The following ESR1 variants were observed in gnomAD, a reference collection of about 807,000 sequenced individuals.
ESR1 encodes the protein estrogen receptor.
In ESR1, 12 loss-of-function variants were observed where a neutral mutation model predicts 52.7. The ratio of observed to expected loss-of-function variants is 0.23; its 90% CI spans 0.15 to 0.37. The LOEUF (loss-of-function observed/expected upper bound fraction) is 0.37. Among genes scored for constraint, ESR1 ranks in the 10% least tolerant of loss-of-function variants. The pLI is 1.00. For missense variants in ESR1, 584 were observed against 779.7 expected (o/e 0.75, Z 2.99); for synonymous variants, 305 against 316.8 (o/e 0.96, Z 0.39).
At chr6:152,081,852 C>T (rs9479215) in intron 6 of ESR1, among the ~76,000 whole-genome samples, 32,116 of 152,002 alleles carry the variant, frequency 0.21, 4,784 homozygotes, top group African/African-American at 0.41. Context: ...AACTCCTCTA[C>T]GCAAATAAAC....
At chr6:152,024,855 A>C (rs2043999104) in intron 5 of ESR1, among the ~76,000 whole-genome samples, 1 of 150,582 alleles carries the variant, frequency 6.6e-6, no homozygotes, top group South Asian at 2.1e-4. Flanking sequence ...ATGTTTATAC[A>C]CATATAAATA....
At chr6:151,726,424 C>T (rs942248426) in intron 2 of ESR1, among the ~76,000 whole-genome samples, 14 of 152,038 alleles carry the variant, frequency 9.2e-5, no homozygotes, top group Non-Finnish European at 7.4e-5. Context: ...CTCCGCCTGC[C>T]GGGTTCACAC....
chr6:151,817,191 A>T (rs1779799629), intron 1 of ESR1, among the ~76,000 whole-genome samples: 2 of 152,208 alleles, frequency 1.3e-5, no homozygotes, highest in African/African-American at 4.8e-5. Flanking sequence ...CACCCAGATG[A>T]TTAAAAAACT....
chr6:151,793,493 G>A (rs1450100201), intron 2 of ESR1, among the ~76,000 whole-genome samples: 1 of 152,130 alleles, frequency 6.6e-6, no homozygotes, highest in Non-Finnish European at 1.5e-5. Context: ...TAGTCATATA[G>A]TCATTTATTA....
rs150485832 is a variant in ESR1 at position 151,907,483 on chromosome 6, T to C, written c.760+26712T>C. 2.4e-3 allele frequency among the ~76,000 whole-genome samples: 360 copies of C among 152,248 alleles called. 2 individuals carry two copies. Among genetic ancestry groups the C allele is most frequent in the Non-Finnish European group, 4.2e-3 (285 of 67,978 alleles). ...AAGACATATCTTTTTAAAAATTATA[T>C]TATTAAATTGTTTCAGGTATGTCTT... On this transcript the variant is annotated intron_variant, in intron 3 of 7. Transcript: ENST00000206249.
intron 2 of ESR1, among the ~76,000 whole-genome samples, chr6:151,752,333 G>A (rs775206776): frequency 6.6e-6 from 1 of 152,198 alleles, no homozygotes; most frequent in Non-Finnish European, 1.5e-5. Context: ...ACTCTGAAAT[G>A]TATTCTTAAT....
intron 2 of ESR1, among the ~76,000 whole-genome samples, chr6:151,784,346 AC>A (rs1373745334): frequency 6.6e-6 from 1 of 152,246 alleles, no homozygotes; most frequent in African/African-American, 2.4e-5. Flanking sequence ...GGGCTAAAAA[AC>A]AATACTACTT....
intron 3 of ESR1, among the ~76,000 whole-genome samples, chr6:151,893,739 T>G (rs775645668): frequency 4.6e-5 from 7 of 152,166 alleles, no homozygotes; most frequent in Middle Eastern, 3.2e-3. Flanking sequence ...TTAGTGCTCA[T>G]TTGACCATGT....
chr6:151,695,616 C>G (rs548454189), intron 1 of ESR1, among the ~76,000 whole-genome samples: 1 of 152,312 alleles, frequency 6.6e-6, no homozygotes, highest in African/African-American at 2.4e-5. Flanking sequence ...TGAGATCCTT[C>G]TTTCCTCTGC....
intron 1 of ESR1, among the ~76,000 whole-genome samples, chr6:151,825,459 G>C (rs1231048609): frequency 6.6e-6 from 1 of 152,178 alleles, no homozygotes; most frequent in Non-Finnish European, 1.5e-5. Context: ...ATTTTCTGGG[G>C]GAAAATTCTC....
chr6:152,064,672 C>T (rs772488407), intron 6 of ESR1, among the ~76,000 whole-genome samples: 36 of 152,140 alleles, frequency 2.4e-4, no homozygotes, highest in African/African-American at 8.2e-4. Flanking sequence ...TTTTCTCTCA[C>T]TCTTTATGCA....
At chr6:152,005,675 A>G (rs2042274571) in intron 4 of ESR1, among the ~76,000 whole-genome samples, 1 of 152,056 alleles carries the variant, frequency 6.6e-6, no homozygotes, top group African/African-American at 2.4e-5. Context: ...GTGGTAGGCC[A>G]GTCCATCTGC....
intron 2 of ESR1, among the ~76,000 whole-genome samples, chr6:151,769,085 A>G (rs546404929): frequency 1.2e-4 from 18 of 152,182 alleles, no homozygotes; most frequent in Non-Finnish European, 2.2e-4. Flanking sequence ...ATCCTGGAAC[A>G]TTTTATTATC....
intron 2 of ESR1, among the ~76,000 whole-genome samples, chr6:151,773,313 C>T (rs1417764386): frequency 6.6e-6 from 1 of 152,222 alleles, no homozygotes; most frequent in Non-Finnish European, 1.5e-5. Context: ...AGCCCTCAAA[C>T]AGAACCAACC....
At chr6:151,864,924 A>C (rs1157834130) in intron 2 of ESR1, among the ~76,000 whole-genome samples, 1 of 117,196 alleles carries the variant, frequency 8.5e-6, no homozygotes, top group Non-Finnish European at 1.6e-5. Flanking sequence ...AACATTACAC[A>C]CTGGGGCCTG....
intron 3 of ESR1, among the ~76,000 whole-genome samples, chr6:151,894,042 C>T (rs535024647): frequency 8.5e-5 from 13 of 152,328 alleles, no homozygotes; most frequent in Middle Eastern, 3.4e-3. Context: ...CTTTTCACTA[C>T]ATCCACACCA....
chr6:151,917,575 A>G (rs772587973), intron 3 of ESR1, among the ~76,000 whole-genome samples: 22 of 152,302 alleles, frequency 1.4e-4, no homozygotes, highest in Non-Finnish European at 2.8e-4. Flanking sequence ...TGTGGATGCT[A>G]CTTGCCAGTT....
intron 3 of ESR1, among the ~76,000 whole-genome samples, chr6:151,881,817 AG>A (rs1221578679): frequency 1.3e-5 from 2 of 151,872 alleles, no homozygotes; most frequent in Admixed American, 6.6e-5. Context: ...TGGCAGGTGG[AG>A]GGGGCAGTGA....
chr6:151,896,944 A>T (rs11756123), intron 3 of ESR1, among the ~76,000 whole-genome samples: 79,403 of 151,968 alleles, frequency 0.52, 22,796 homozygotes, highest in Middle Eastern at 0.73. Flanking sequence ...TGACCCAATG[A>T]TCATTCAGGA....
Sources: gnomAD v4.1 joint callset for allele counts (sites outside exome capture counted in the v4.1 genomes callset) on GRCh38, gnomAD v4.1.1 for gene constraint, MANE v1.5 for transcripts, NCBI Gene and HGNC (gene_info 2026-07-23, HGNC 2026-07-21) for gene names.